The following ADAMTS19 variants were observed in gnomAD, a reference collection of about 807,000 sequenced individuals.
ADAMTS19 encodes A disintegrin and metalloproteinase with thrombospondin motifs 19.
Under a neutral mutation model 153.3 loss-of-function variants are expected in ADAMTS19, and 93 were observed. The ratio of observed to expected loss-of-function variants is 0.61; its 90% CI spans 0.51 to 0.72. The LOEUF (loss-of-function observed/expected upper bound fraction) is 0.72. Ranked by LOEUF, ADAMTS19 falls within the 30% of genes least tolerant of loss-of-function variation. The pLI is 0.00. For missense variants in ADAMTS19, 1,482 were observed against 1,552.1 expected (o/e 0.95, Z 0.76); for synonymous variants, 600 against 556.6 (o/e 1.08, Z -1.10).
Position 129,461,376 on chromosome 5 carries a change from G to C in ADAMTS19, c.366G>C (p.Glu122Asp). 1 of 1,348,444 alleles carries C rather than the reference G, an allele frequency of 7.4e-7. No individual in the cohort carries two copies. The highest frequency in any genetic ancestry group is 9.4e-7 in the Non-Finnish European group (1 of 1,060,954). 83.5% of individuals were successfully genotyped at this position (1,348,444 alleles called of 1,614,324 possible). Residue 122 changes from glutamate (E) to aspartate (D), a missense_variant, in exon 2 of 23, where the codon GAG becomes GAC. Glu to Asp is a conservative substitution (Grantham distance 45). Coordinates refer to ENST00000274487, the MANE Select transcript of ADAMTS19 (RefSeq NM_133638.6). This position sits in a 1 kb window ranked among gnomAD's most constrained non-coding sequence, Gnocchi z 4.6. ...CGTCGGAGGGTGAGGAGGACGAGGA[G>C]CTCGAGTCGCAGGAGCTGCCGCGGG... ...PPPSEGEEDE[E>D]LESQELPRGS...
chr5:129,726,232 A>G (rs1437426640), intron 21 of ADAMTS19, among the ~76,000 whole-genome samples: 2 of 152,140 alleles, frequency 1.3e-5, no homozygotes, highest in Non-Finnish European at 2.9e-5. Flanking sequence ...CTTTGTTTCA[A>G]AGGTCTTTTG....
chr5:129,677,916 G>A (rs765078153), intron 16 of ADAMTS19, among the ~76,000 whole-genome samples: 48 of 152,094 alleles, frequency 3.2e-4, no homozygotes, highest in African/African-American at 1.0e-3. Flanking sequence ...AGGTTCAAGC[G>A]ATCCACCCAC....
At chr5:129,699,961 T>G (rs564934031) in intron 19 of ADAMTS19, among the ~76,000 whole-genome samples, 1 of 152,306 alleles carries the variant, frequency 6.6e-6, no homozygotes, top group East Asian at 1.9e-4. Flanking sequence ...AAGTATTATT[T>G]CAGGAATGTG....
At chr5:129,609,192 G>A (rs907543924) in intron 8 of ADAMTS19, among the ~76,000 whole-genome samples, 31 of 152,304 alleles carry the variant, frequency 2.0e-4, no homozygotes, top group African/African-American at 7.2e-4. Flanking sequence ...AGTTGAGAGG[G>A]AAAGTGCATT....
At chr5:129,489,984 C>A (rs1465180347) in intron 2 of ADAMTS19, among the ~76,000 whole-genome samples, 1 of 152,110 alleles carries the variant, frequency 6.6e-6, no homozygotes, top group Non-Finnish European at 1.5e-5. Flanking sequence ...CAAAATGCTA[C>A]CTATTAGGTA....
chr5:129,460,609 G>A, intron 1 of ADAMTS19, 127 bp downstream of exon 1: 1 of 1,023,904 alleles, frequency 9.8e-7, no homozygotes, highest in Non-Finnish European at 1.5e-6. Flanking sequence ...CAATAAAAAT[G>A]AGCTTGAGGT....
At chr5:129,485,949 C>T (rs909747051) in intron 2 of ADAMTS19, among the ~76,000 whole-genome samples, 1 of 152,028 alleles carries the variant, frequency 6.6e-6, no homozygotes, top group African/African-American at 2.4e-5. Flanking sequence ...CACCACCACG[C>T]CTGAACAATT....
At chr5:129,721,826 CCCA>C (rs1757017312) in intron 21 of ADAMTS19, among the ~76,000 whole-genome samples, 1 of 150,804 alleles carries the variant, frequency 6.6e-6, no homozygotes, top group Admixed American at 6.6e-5. Context: ...TTGTTCAGCT[CCCA>C]CTTATGAGTC....
chr5:129,687,846 G>A (rs72792831), intron 18 of ADAMTS19, among the ~76,000 whole-genome samples: 2,729 of 152,142 alleles, frequency 0.018, 39 homozygotes, highest in Non-Finnish European at 0.029. Context: ...ACAAATGGAC[G>A]TTTTATTATA....
intron 19 of ADAMTS19, among the ~76,000 whole-genome samples, chr5:129,695,600 G>C (rs573498598): frequency 6.6e-6 from 1 of 152,160 alleles, no homozygotes; most frequent in Non-Finnish European, 1.5e-5. Flanking sequence ...GAGGCTACTT[G>C]GCATGGCTGC....
chr5:129,599,133 G>A (rs747212868), intron 8 of ADAMTS19, among the ~76,000 whole-genome samples: 40 of 151,646 alleles, frequency 2.6e-4, no homozygotes, highest in Admixed American at 1.4e-3. Context: ...CATCCTTTAG[G>A]GAAAGTATGC....
At chr5:129,594,680 C>T (rs981435591) in intron 7 of ADAMTS19, among the ~76,000 whole-genome samples, 1 of 151,930 alleles carries the variant, frequency 6.6e-6, no homozygotes, top group African/African-American at 2.4e-5. Context: ...TGTGATTTAG[C>T]TCTCTTAAAA....
intron 7 of ADAMTS19, among the ~76,000 whole-genome samples, chr5:129,595,474 C>A (rs575297248): frequency 1.3e-5 from 2 of 151,950 alleles, no homozygotes; most frequent in South Asian, 4.2e-4. Flanking sequence ...TATTTCTTAC[C>A]ATTATGTTTT....
At chr5:129,510,423 G>A (rs776188948) in intron 3 of ADAMTS19, among the ~76,000 whole-genome samples, 2 of 151,800 alleles carry the variant, frequency 1.3e-5, no homozygotes, top group Non-Finnish European at 2.9e-5. Context: ...AAGCAGTTGA[G>A]TCTCTCTCCA....
chr5:129,546,514 A>C (rs1752867033), intron 6 of ADAMTS19, among the ~76,000 whole-genome samples: 1 of 151,112 alleles, frequency 6.6e-6, no homozygotes, highest in Admixed American at 6.6e-5. Context: ...AATGCATGAA[A>C]AAAAGGCAAA....
At chr5:129,705,927 G>A (rs1756130733) in intron 21 of ADAMTS19, among the ~76,000 whole-genome samples, 2 of 152,140 alleles carry the variant, frequency 1.3e-5, no homozygotes, top group Non-Finnish European at 2.9e-5. Flanking sequence ...ATGGAACAGT[G>A]TTTTCAAGCT....
intron 21 of ADAMTS19, among the ~76,000 whole-genome samples, chr5:129,734,464 G>T (rs1370939698): frequency 2.6e-5 from 4 of 151,952 alleles, no homozygotes; most frequent in Non-Finnish European, 5.9e-5. Context: ...TTTAAGGCCA[G>T]AGAAAATAAG....
At chr5:129,476,267 G>A (rs1046674910) in intron 2 of ADAMTS19, among the ~76,000 whole-genome samples, 8 of 152,030 alleles carry the variant, frequency 5.3e-5, no homozygotes, top group African/African-American at 1.7e-4. Flanking sequence ...ATTCCATAAA[G>A]GATTTATGAG....
At chr5:129,669,064 G>C (rs1754181165) in intron 16 of ADAMTS19, among the ~76,000 whole-genome samples, 1 of 150,890 alleles carries the variant, frequency 6.6e-6, no homozygotes. Context: ...GAAAAGATTA[G>C]AAAGTCCAGG....
Sources: allele counts gnomAD v4.1 joint callset (sites outside exome capture counted in the v4.1 genomes callset), GRCh38; gene constraint gnomAD v4.1.1; non-coding constraint Gnocchi (gnomAD v3.1); transcripts MANE v1.5; gene names NCBI Gene and HGNC (gene_info 2026-07-23, HGNC 2026-07-21).